Variants in GTPBP10 observed in about 807,000 individuals in gnomAD.
The protein encoded by GTPBP10 is GTP binding protein 10.
GTPBP10 carries 38 observed loss-of-function variants against 44.8 expected under a neutral mutation model. That is an observed-to-expected ratio of 0.85 (90% CI 0.65 to 1.11). GTPBP10 has a LOEUF of 1.11. Among genes scored for constraint, GTPBP10 ranks in the 50% most tolerant of loss-of-function variants. The probability of loss-of-function intolerance (pLI) is 0.00; values close to 1 mark genes in which losing one functional copy is unlikely to be tolerated. For synonymous variants in GTPBP10, 152 were observed against 150.6 expected (o/e 1.01, Z -0.07); for missense variants, 462 against 453.7 (o/e 1.02, Z -0.17).
intron 3 of GTPBP10, 68 bp from the exon 4 acceptor site, chr7:90,355,018 G>T (rs918385848): frequency 2.0e-6 from 2 of 989,282 alleles, no homozygotes; most frequent in African/African-American, 1.7e-5. Flanking sequence ...ATTTCTGAAA[G>T]AAATATATTG....
intron 1 of GTPBP10, among the ~76,000 whole-genome samples, chr7:90,350,216 A>G (rs148353455): frequency 2.2e-3 from 331 of 152,306 alleles, no homozygotes; most frequent in Non-Finnish European, 3.5e-3. Flanking sequence ...GATGGTTTCC[A>G]GCTGCATCCA....
At chr7:90,378,583 C>G (rs769477319) in intron 8 of GTPBP10, among the ~76,000 whole-genome samples, 6 of 152,142 alleles carry the variant, frequency 3.9e-5, no homozygotes, top group Non-Finnish European at 8.8e-5. Flanking sequence ...TTTTCTCATC[C>G]TTTAAGTAAC....
chr7:90,367,847 C>T (rs554253759), intron 4 of GTPBP10, among the ~76,000 whole-genome samples: 60 of 152,222 alleles, frequency 3.9e-4, no homozygotes, highest in Non-Finnish European at 6.6e-4. Flanking sequence ...TTATTTTGCC[C>T]GTTAATTGAT....
At chr7:90,356,449 T>A (rs2115632238) in intron 4 of GTPBP10, among the ~76,000 whole-genome samples, 2 of 152,288 alleles carry the variant, frequency 1.3e-5, no homozygotes, top group Middle Eastern at 6.8e-3. Context: ...CATAAACATG[T>A]GTTTCAAGTT....
intron 1 of GTPBP10, chr7:90,347,425 A>C (rs1314672878): frequency 6.2e-6 from 1 of 160,030 alleles, no homozygotes; most frequent in Non-Finnish European, 1.3e-5. Context: ...AGAGCAGGAA[A>C]AAAGTGTTAC....
chr7:90,359,603 C>A (rs1013507407), intron 4 of GTPBP10, among the ~76,000 whole-genome samples: 1 of 152,120 alleles, frequency 6.6e-6, no homozygotes, highest in Non-Finnish European at 1.5e-5. Context: ...AATAAACATA[C>A]GTGTGCATCT....
At chr7:90,360,788 A>C (rs988862394) in intron 4 of GTPBP10, among the ~76,000 whole-genome samples, 1 of 152,118 alleles carries the variant, frequency 6.6e-6, no homozygotes, top group Non-Finnish European at 1.5e-5. Flanking sequence ...ATGTTCTTCC[A>C]TTTGTTTGTG....
chr7:90,389,361 C>G lies in GTPBP10; in HGVS notation c.*4207C>G, dbSNP rs1796576712. The G allele has an allele frequency of 6.6e-6, 1 of 151,736 alleles. No individual in the cohort carries two copies. Among genetic ancestry groups the G allele is most frequent in the African/African-American group, 2.4e-5 (1 of 41,318 alleles). 9.4% of individuals were successfully genotyped at this position (151,736 alleles called of 1,614,324 possible). A position where few individuals can be genotyped will look rare whatever the true frequency, so the allele number is the denominator to read the frequency against. ...GTGAATACATGAGTTGTTTTTTAAA[C>G]TCTTTTGGGAGCCTAAAAAATTTGA... is the stretch of plus-strand genomic sequence containing the variant. On this transcript the variant is annotated 3_prime_UTR_variant, in exon 10 of 10. Coordinates refer to ENST00000222511, the MANE Select transcript of GTPBP10 (RefSeq NM_033107.4).
At chr7:90,365,630 C>T (rs1239487936) in intron 4 of GTPBP10, among the ~76,000 whole-genome samples, 1 of 152,130 alleles carries the variant, frequency 6.6e-6, no homozygotes, top group African/African-American at 2.4e-5. Flanking sequence ...CCCACCTCGG[C>T]CTCCCAAAGT....
Position 90,386,338 on chromosome 7 carries a change from T to A in GTPBP10, c.*1184T>A, listed in dbSNP as rs115532155. On this transcript the variant is annotated 3_prime_UTR_variant, in exon 10 of 10. Transcript: ENST00000222511. ...TACATGTTCAATGATAGTAAAGATA[T>A]GACAGAAACTAGAAGATAGCTGTTT... is the stretch of plus-strand genomic sequence containing the variant. The A allele has an allele frequency of 3.2e-4, 49 of 152,338 alleles. No homozygotes were observed. The highest frequency in any genetic ancestry group is 1.2e-3 in the African/African-American group (48 of 41,582). The allele number at this position is 152,338 out of a possible 1,614,324, so 9.4% of individuals were successfully genotyped here.
At chr7:90,381,623 A>G (rs2115768909) in intron 8 of GTPBP10, among the ~76,000 whole-genome samples, 1 of 152,318 alleles carries the variant, frequency 6.6e-6, no homozygotes, top group East Asian at 1.9e-4. Flanking sequence ...TCTTGAGCAA[A>G]AGGAACAAAG....
intron 8 of GTPBP10, among the ~76,000 whole-genome samples, chr7:90,382,454 C>T (rs549752506): frequency 4.6e-5 from 7 of 152,088 alleles, no homozygotes; most frequent in African/African-American, 1.2e-4. Context: ...AACAGGGCTT[C>T]GCTCTGTCAT....
intron 4 of GTPBP10, among the ~76,000 whole-genome samples, chr7:90,362,618 G>C (rs564776463): frequency 4.6e-5 from 7 of 152,152 alleles, no homozygotes. Context: ...TGTTGATTTG[G>C]GGTGGAGAGT....
intron 4 of GTPBP10, among the ~76,000 whole-genome samples, chr7:90,358,507 A>G (rs889845234): frequency 2.0e-5 from 3 of 152,202 alleles, no homozygotes; most frequent in African/African-American, 2.4e-5. Context: ...ACACAAAAAC[A>G]TAAACTGGGG....
chr7:90,384,594 A>ACCCCCC (rs555620480), intron 9 of GTPBP10, among the ~76,000 whole-genome samples: 1 of 149,140 alleles, frequency 6.7e-6, no homozygotes, highest in African/African-American at 2.5e-5. Context: ...GCCTTATTTA[A>ACCCCCC]CCCCCCCCAC....
chr7:90,350,760 T>G (rs1285025634), intron 1 of GTPBP10, among the ~76,000 whole-genome samples: 1 of 152,224 alleles, frequency 6.6e-6, no homozygotes, highest in Non-Finnish European at 1.5e-5. Context: ...TTTTGTCTTT[T>G]TTTACACTGA....
chr7:90,364,822 A>G (rs1796098804), intron 4 of GTPBP10, among the ~76,000 whole-genome samples: 1 of 152,260 alleles, frequency 6.6e-6, no homozygotes, highest in Non-Finnish European at 1.5e-5. Context: ...AGCCTCAGCA[A>G]TGGCGGGCAC....
At chr7:90,368,660 C>T (rs1796186044) in intron 4 of GTPBP10, among the ~76,000 whole-genome samples, 1 of 152,208 alleles carries the variant, frequency 6.6e-6, no homozygotes, top group South Asian at 2.1e-4. Flanking sequence ...TTAAGGACTT[C>T]TCTACACTGT....
chr7:90,356,247 A>T (rs1220486284), intron 4 of GTPBP10, among the ~76,000 whole-genome samples: 1 of 152,160 alleles, frequency 6.6e-6, no homozygotes, highest in Non-Finnish European at 1.5e-5. Context: ...CAGAGGCCCC[A>T]TTCCTGCTAA....
Sources: gnomAD v4.1 joint callset for allele counts (sites outside exome capture counted in the v4.1 genomes callset) on GRCh38, gnomAD v4.1.1 for gene constraint, MANE v1.5 for transcripts, NCBI Gene and HGNC (gene_info 2026-07-23, HGNC 2026-07-21) for gene names.